NEK3: variants seen among roughly 807,000 people sequenced by gnomAD.
The protein encoded by NEK3 is serine/threonine-protein kinase Nek3.
NEK3 carries 54 observed loss-of-function variants against 66.0 expected under a neutral mutation model. That is an observed-to-expected ratio of 0.82 (90% CI 0.66 to 1.03). The LOEUF (loss-of-function observed/expected upper bound fraction) is 1.03. NEK3 is among the 50% of genes least tolerant of loss of function. The pLI is 0.00. For missense variants in NEK3, 593 were observed against 603.0 expected, an observed-to-expected ratio of 0.98 and a Z score of 0.17; for synonymous variants, 200 against 206.2, an observed-to-expected ratio of 0.97 and a Z score of 0.26.
intron 5 of NEK3, among the ~76,000 whole-genome samples, chr13:52,152,317 A>G (rs1309338554): frequency 1.3e-5 from 2 of 152,218 alleles, no homozygotes; most frequent in African/African-American, 4.8e-5. Flanking sequence ...TCCTCACCAC[A>G]AAGAAATAAT....
At chr13:52,134,999 TAG>T (rs1179200786) in intron 14 of NEK3, among the ~76,000 whole-genome samples, 2 of 152,184 alleles carry the variant, frequency 1.3e-5, no homozygotes, top group African/African-American at 4.8e-5. Flanking sequence ...TTGCAATAAA[TAG>T]AGTCAGACTT....
At chr13:52,151,061 A>G in intron 7 of NEK3, 85 bp downstream of exon 7, 1 of 1,016,784 alleles carries the variant, frequency 9.8e-7, no homozygotes, top group Non-Finnish European at 1.5e-6. Flanking sequence ...ATCTGTTTTG[A>G]AGTGACGTCA....
At chr13:52,157,044 A>C (rs1956401532) in intron 1 of NEK3, 1 of 152,254 alleles carries the variant, frequency 6.6e-6, no homozygotes, top group Admixed American at 6.5e-5. Flanking sequence ...AAAGAGGAGG[A>C]AAAGAGTAAT....
intron 7 of NEK3, among the ~76,000 whole-genome samples, chr13:52,148,701 G>A (rs1341646453): frequency 6.6e-6 from 1 of 152,118 alleles, no homozygotes; most frequent in Non-Finnish European, 1.5e-5. Flanking sequence ...CACTTCAGTA[G>A]CATTTGGGAA....
chr13:52,133,853 C>G lies in NEK3; in HGVS notation c.1310-38G>C, dbSNP rs1956179231. 3 of 1,564,292 alleles carry G rather than the reference C, an allele frequency of 1.9e-6. No homozygotes were observed. The South Asian group carries it at 3.5e-5, about 18-fold the overall frequency. ...TTAACAGAAAATATACCAATTTAAA[C>G]AGTATTTACTTATTTCATGCAGTTT... is the stretch of plus-strand genomic sequence containing the variant. On this transcript the variant is annotated intron_variant, in intron 14 of 15. Coordinates refer to ENST00000610828, the MANE Select transcript of NEK3 (RefSeq NM_002498.3).
In NEK3 at chr13:52,136,914, A is replaced by G. The variant is rs373605845; in HGVS notation, c.928-12T>C. 3 of 1,518,224 alleles carry G rather than the reference A, an allele frequency of 2.0e-6. No individual in the cohort carries two copies. Among genetic ancestry groups the G allele is most frequent in the East Asian group, 2.4e-5 (1 of 42,258 alleles). 94.0% of individuals were successfully genotyped at this position (1,518,224 alleles called of 1,614,324 possible). On this transcript the variant is annotated splice_polypyrimidine_tract_variant and intron_variant, in intron 11 of 15. Transcript: ENST00000610828. ...TGTTCTTCCTCTTGCTTTAAAAGAGATTAACAATACAGATTAAATAATGCT... is the reference window on the plus strand; with the variant it reads ...TGTTCTTCCTCTTGCTTTAAAAGAGGTTAACAATACAGATTAAATAATGCT...
In NEK3 at chr13:52,137,229, G is replaced by T. The variant is rs185049602; in HGVS notation, c.928-327C>A. Among the ~76,000 whole-genome samples, 325 of 152,120 alleles carry T rather than the reference G, an allele frequency of 2.1e-3. 2 individuals carry two copies. The highest frequency in any genetic ancestry group is 7.2e-3 in the African/African-American group (300 of 41,518). The stretch of plus-strand genomic sequence containing the variant: ...TTTGGTAAGTCTTTACTAAGGAAAA[G>T]ACTAATGAAAAATTTCAATATGGTT... On this transcript the variant is annotated intron_variant, in intron 11 of 15. Coordinates refer to ENST00000610828, the MANE Select transcript of NEK3 (RefSeq NM_002498.3).
chr13:52,139,997 T>G (rs1411843363), intron 11 of NEK3, among the ~76,000 whole-genome samples: 1 of 146,006 alleles, frequency 6.8e-6, no homozygotes, highest in Admixed American at 6.9e-5. Context: ...AACACAGGGG[T>G]TTGAGACCAG....
In NEK3 at chr13:52,144,921, GATA is replaced by G. The variant is rs773539197; in HGVS notation, c.604-33_604-31del. The G allele has an allele frequency of 3.0e-5, 43 of 1,450,322 alleles. No individual in the cohort carries two copies. In the Admixed American group the frequency reaches 7.2e-4, roughly 24 times the overall value. The allele number at this position is 1,450,322 out of a possible 1,614,324, so 89.8% of individuals were successfully genotyped here. A position where few individuals can be genotyped will look rare whatever the true frequency, so the allele number is the denominator to read the frequency against. The stretch of plus-strand genomic sequence containing the variant: ...AAAGGAAAATTGAACTTTACAAGCA[GATA>G]CAGGGGAAGAAATGGAAGCAAGAAA... On this transcript the variant is annotated intron_variant, in intron 8 of 15. Transcript: ENST00000610828.
At chr13:52,148,251 A>G (rs1956310659) in intron 8 of NEK3, 164 bp downstream of exon 8, 1 of 535,138 alleles carries the variant, frequency 1.9e-6, no homozygotes, top group East Asian at 2.8e-5. Context: ...CTATTAGTAT[A>G]TGCTACAAAA....
intron 8 of NEK3, among the ~76,000 whole-genome samples, chr13:52,147,501 T>C (rs1306510180): frequency 1.3e-5 from 2 of 152,076 alleles, no homozygotes; most frequent in East Asian, 3.8e-4. Context: ...ACTGTGCTAG[T>C]GAAATAAACC....
rs764039632 is a variant in NEK3 at position 52,144,699 on chromosome 13, G to A, written c.796C>T (p.Pro266Ser). Residue 266 changes from proline to serine, a missense_variant, in exon 9 of 16, where the codon CCC (proline) becomes TCC (serine). Pro to Ser is a moderately conservative substitution (Grantham distance 74). Transcript: ENST00000610828. Reference sequence around the variant, plus strand: ...TCCAACACAGATCATACCTCGGGGGGTAAGCACTTCTGGACAAGCCGAGCT... The same window carrying A: ...TCCAACACAGATCATACCTCGGGGGATAAGCACTTCTGGACAAGCCGAGCT... Reference protein sequence around the residue: ...IVARLVQKCLPPEIIMEYGEE... With the variant: ...IVARLVQKCLSPEIIMEYGEE... 1.2e-6 allele frequency: 2 copies of A among 1,613,672 alleles called. No homozygotes were observed. The highest frequency in any genetic ancestry group is 1.7e-6 in the Non-Finnish European group (2 of 1,179,708).
chr13:52,153,404 T>C (rs1292399830), intron 4 of NEK3, among the ~76,000 whole-genome samples: 2 of 152,122 alleles, frequency 1.3e-5, no homozygotes, highest in Non-Finnish European at 2.9e-5. Context: ...CATAGCCAAT[T>C]CATTAAAAAA....
At chr13:52,141,714 G>GC (rs1303545896) in intron 10 of NEK3, among the ~76,000 whole-genome samples, 1 of 152,134 alleles carries the variant, frequency 6.6e-6, no homozygotes, top group Non-Finnish European at 1.5e-5. Context: ...AACTGGAGAT[G>GC]CCATCAGACA....
At position 52,144,700 on chromosome 13, in the gene NEK3, TAAGC is replaced by T; in HGVS notation, c.791_794del (p.Cys264TyrfsTer14). On this transcript the variant is annotated frameshift_variant, in exon 9 of 16. Coordinates refer to ENST00000610828, the MANE Select transcript of NEK3 (RefSeq NM_002498.3). LOFTEE classifies it high-confidence loss of function. ...CCAACACAGATCATACCTCGGGGGG[TAAGC>T]ACTTCTGGACAAGCCGAGCTACGAT... 1 of 1,613,620 alleles carries T rather than the reference TAAGC, an allele frequency of 6.2e-7. No individual in the cohort carries two copies. The highest frequency in any genetic ancestry group is 1.1e-5 in the South Asian group (1 of 91,048).
intron 11 of NEK3, 62 bp from the exon 12 acceptor site, chr13:52,136,964 A>G (rs999736715): frequency 9.8e-6 from 11 of 1,120,876 alleles, no homozygotes; most frequent in Non-Finnish European, 1.2e-5. Context: ...AAGGTAAACA[A>G]ATATGCAAAG....
chr13:52,142,627 G>C (rs1247274999), intron 10 of NEK3, among the ~76,000 whole-genome samples: 6 of 152,158 alleles, frequency 3.9e-5, no homozygotes, highest in Admixed American at 3.9e-4. Flanking sequence ...TGAAGGGTTT[G>C]CATCCTTCCA....
At chr13:52,137,816 G>A (rs544607035) in intron 11 of NEK3, among the ~76,000 whole-genome samples, 36 of 152,224 alleles carry the variant, frequency 2.4e-4, no homozygotes, top group African/African-American at 8.7e-4. Flanking sequence ...CATTGCCATC[G>A]TCCTTTGCTG....
At chr13:52,141,096 A>G (rs1403003684) in intron 10 of NEK3, 27 bp from the exon 11 acceptor site, 7 of 1,573,164 alleles carry the variant, frequency 4.4e-6, no homozygotes, top group Non-Finnish European at 6.1e-6. Context: ...AGAAGGTAGA[A>G]AGATAAAACA....
Sources: allele counts gnomAD v4.1 joint callset (sites outside exome capture counted in the v4.1 genomes callset), GRCh38; gene constraint gnomAD v4.1.1; transcripts MANE v1.5; gene names NCBI Gene and HGNC (gene_info 2026-07-23, HGNC 2026-07-21).